The following CRTC2 variants were observed in gnomAD, a reference collection of about 807,000 sequenced individuals.
The protein encoded by CRTC2 is CREB regulated transcription coactivator 2.
CRTC2 carries 25 observed loss-of-function variants against 70.9 expected under a neutral mutation model. The observed-to-expected ratio is 0.35, with a 90% CI of 0.26 to 0.49. The LOEUF is 0.49. Among genes scored for constraint, CRTC2 ranks in the 20% least tolerant of loss-of-function variants. The pLI is 0.98. For synonymous variants in CRTC2, 330 were observed against 364.1 expected (o/e 0.91, Z 1.07); for missense variants, 737 against 882.6 (o/e 0.83, Z 2.09).
rs764380205 is a variant in CRTC2, at chr1:153,958,508, C to A, written c.-11G>T. 3 of 1,604,260 alleles carry A rather than the reference C, an allele frequency of 1.9e-6. No individual in the cohort carries two copies. The highest frequency in any genetic ancestry group is 3.3e-5 in the Admixed American group (2 of 59,762). On this transcript the variant is annotated 5_prime_UTR_variant, in exon 1 of 14. Transcript: ENST00000368633. ...CCCCGACGTCGCCATCTTCCTTCCC[C>A]GTCCCTCCCTGCCACCCTCCCAGTA...
chr1:153,951,764 C>T (rs1680335268), intron 10 of CRTC2, 98 bp from the exon 11 acceptor site: 8 of 1,340,444 alleles, frequency 6.0e-6, no homozygotes, highest in African/African-American at 1.5e-5. Flanking sequence ...ACTATGAAAG[C>T]GGCAACACAA....
chr1:153,954,530 TGGA>T (rs752652354), intron 3 of CRTC2, among the ~76,000 whole-genome samples: 51 of 152,238 alleles, frequency 3.4e-4, no homozygotes, highest in Middle Eastern at 6.8e-3. Flanking sequence ...AGGCAGGGCT[TGGA>T]GGAGACAGTT....
At chr1:153,951,141 G>A (rs180859105) in intron 11 of CRTC2, 119 bp downstream of exon 11, 1 of 1,098,362 alleles carries the variant, frequency 9.1e-7, no homozygotes, top group Admixed American at 2.1e-5. Context: ...GCGGAGGACA[G>A]AGGAATGGAA....
chr1:153,955,034 C>T (rs374870554), intron 2 of CRTC2, 31 bp downstream of exon 2: 2 of 1,613,104 alleles, frequency 1.2e-6, no homozygotes, highest in Middle Eastern at 1.6e-4. Flanking sequence ...GCCTAAGAAA[C>T]TCCACTCCTC....
At chr1:153,955,646 C>T (rs1297227977) in intron 1 of CRTC2, among the ~76,000 whole-genome samples, 2 of 147,812 alleles carry the variant, frequency 1.4e-5, no homozygotes, top group Admixed American at 1.4e-4. Context: ...TCACTCCACT[C>T]TAGCCGCCTG....
Position 153,953,269 on chromosome 1 carries a change from C to G in CRTC2, c.604G>C (p.Gly202Arg). 1.3e-6 allele frequency: 2 copies of G among 1,572,722 alleles called. No homozygotes were observed. ...TPPSILPSRR[G>R]GILDGEMDPK... ...ACCCTGGGACAGGGCCACTTACCCC[C>G]ACGTCGGCTGGGCAGGATGCTGGGA... Residue 202 changes from glycine (G) to arginine (R), a missense_variant, in exon 6 of 14, where the codon GGG becomes CGG. Transcript: ENST00000368633.
Position 153,948,058 on chromosome 1 carries a change from G to A in CRTC2, c.*51C>T. On this transcript the variant is annotated 3_prime_UTR_variant, in exon 14 of 14. Transcript: ENST00000368633. ...TACCTGCCAGGGGGAAGGGAGGAAAGGAATGGTGGTGGGGGATGGGGCCAA... is the reference window on the plus strand; with the variant it reads ...TACCTGCCAGGGGGAAGGGAGGAAAAGAATGGTGGTGGGGGATGGGGCCAA... 1 of 1,559,384 alleles carries A rather than the reference G, an allele frequency of 6.4e-7. No individual in the cohort carries two copies. Among genetic ancestry groups the A allele is most frequent in the Non-Finnish European group, 8.8e-7 (1 of 1,132,790 alleles).
At position 153,952,552 on chromosome 1, in the gene CRTC2, C is replaced by A. The variant is rs769868515; in HGVS notation, c.702+19G>T. 6.2e-7 allele frequency: 1 copy of A among 1,613,910 alleles called. No homozygotes were observed. Among genetic ancestry groups the A allele is most frequent in the Non-Finnish European group, 8.5e-7 (1 of 1,179,764 alleles). On this transcript the variant is annotated intron_variant, in intron 8 of 13. Transcript: ENST00000368633. The stretch of plus-strand genomic sequence containing the variant: ...ATAGCAGAGAGACTAGTGGGTGACA[C>A]CCGGTGGCCTCCTCCTACCTTCTTA...
intron 10 of CRTC2, 71 bp from the exon 11 acceptor site, chr1:153,951,737 T>A: frequency 1.3e-6 from 2 of 1,525,078 alleles, no homozygotes; most frequent in Non-Finnish European, 1.8e-6. Flanking sequence ...CCACCCAGAA[T>A]GGGTGGCAGT....
intron 10 of CRTC2, 145 bp from the exon 11 acceptor site, chr1:153,951,811 C>G (rs1022616723): frequency 7.6e-6 from 8 of 1,056,154 alleles, no homozygotes; most frequent in Non-Finnish European, 2.7e-6. Context: ...CACTGCCCAT[C>G]TGGGGACTGC....
chr1:153,948,262 C>T lies in CRTC2; in HGVS notation c.1929G>A (p.Val643=), dbSNP rs1473323608. 6.2e-7 allele frequency: 1 copy of T among 1,614,154 alleles called. No individual in the cohort carries two copies. The highest frequency in any genetic ancestry group is 1.7e-5 in the Admixed American group (1 of 60,014). The part of the protein sequence containing the change: ...AALAGVPGFE[V]SAAGLELGLG... ...GCCCTAGCTCCAATCCAGCTGCTGACACCTCAAAGCCAGGCACTCCGGCCA... is the reference window on the plus strand; with the variant it reads ...GCCCTAGCTCCAATCCAGCTGCTGATACCTCAAAGCCAGGCACTCCGGCCA... The change falls in exon 14 of 14, where the codon GTG becomes GTA. Residue 643 remains valine, a synonymous_variant. Coordinates refer to ENST00000368633, the MANE Select transcript of CRTC2 (RefSeq NM_181715.3).
At chr1:153,951,887 G>A (rs1680342362) in intron 10 of CRTC2, 131 bp downstream of exon 10, 1 of 1,309,172 alleles carries the variant, frequency 7.6e-7, no homozygotes, top group Non-Finnish European at 1.1e-6. Flanking sequence ...TGCCGTGAGG[G>A]AATCCTGGGG....
chr1:153,948,066 G>C lies in CRTC2; in HGVS notation c.*43C>G. 1 of 1,578,004 alleles carries C rather than the reference G, an allele frequency of 6.3e-7. No homozygotes were observed. The highest frequency in any genetic ancestry group is 8.7e-7 in the Non-Finnish European group (1 of 1,148,782). The stretch of plus-strand genomic sequence containing the variant: ...AGGGGGAAGGGAGGAAAGGAATGGT[G>C]GTGGGGGATGGGGCCAAGAAGAGGG... On this transcript the variant is annotated 3_prime_UTR_variant, in exon 14 of 14. Coordinates refer to ENST00000368633, the MANE Select transcript of CRTC2 (RefSeq NM_181715.3).
At chr1:153,949,549 A>G (rs1680213485) in intron 11 of CRTC2, among the ~76,000 whole-genome samples, 165 bp from the exon 12 acceptor site, 1 of 151,986 alleles carries the variant, frequency 6.6e-6, no homozygotes, top group Non-Finnish European at 1.5e-5. Flanking sequence ...ACTCAACCCC[A>G]GGGATGTGTA....
rs774234159 is a variant in CRTC2, at chr1:153,951,508, A to G, written c.1156T>C (p.Ser386Pro). The stretch of plus-strand genomic sequence containing the variant: ...GCACTGAGTGAGGGGTGGCCCAGGG[A>G]GGTGGTGGGCAGTACATGGCGGGCC... ...SLARHVLPTTSLGHPSLSAPA... is the reference protein window; with the variant it reads ...SLARHVLPTTPLGHPSLSAPA... Residue 386 changes from serine (S) to proline (P), a missense_variant, in exon 11 of 14, where the codon TCC (serine) becomes CCC (proline). Ser to Pro is a moderately conservative substitution (Grantham distance 74, BLOSUM62 -1). Around this residue, in one of 3 missense-constraint regions of CRTC2, gnomAD observed 699 missense variants for 823.7 expected, o/e 0.85. Transcript: ENST00000368633. 4 of 1,601,736 alleles carry G rather than the reference A, an allele frequency of 2.5e-6. No individual in the cohort carries two copies. Among genetic ancestry groups the G allele is most frequent in the Non-Finnish European group, 3.4e-6 (4 of 1,174,204 alleles).
intron 7 of CRTC2, 72 bp from the exon 8 acceptor site, chr1:153,952,707 G>C: frequency 6.2e-7 from 1 of 1,606,776 alleles, no homozygotes; most frequent in Admixed American, 1.7e-5. Context: ...AGCAGAAGCA[G>C]GTGGGAAGGA....
chr1:153,952,957 G>A lies in CRTC2; in HGVS notation c.608-123C>T, dbSNP rs538176707. 4.2e-5 allele frequency: 51 copies of A among 1,217,900 alleles called. No individual in the cohort carries two copies. In the African/African-American group the frequency reaches 4.9e-4, roughly 12 times the overall value. 75.4% of individuals were successfully genotyped at this position (1,217,900 alleles called of 1,614,324 possible). On this transcript the variant is annotated intron_variant, in intron 6 of 13. Coordinates refer to ENST00000368633, the MANE Select transcript of CRTC2 (RefSeq NM_181715.3). ...CCAGCACTTTGGGAGGCCGAGGCAG[G>A]TGGATCACGAGGTCAGGAGTTCAAG...
At chr1:153,948,788 G>A in intron 12 of CRTC2, 144 bp from the exon 13 acceptor site, 1 of 940,900 alleles carries the variant, frequency 1.1e-6, no homozygotes, top group Non-Finnish European at 1.7e-6. Context: ...AGCAAGCAGA[G>A]CGACAGAAGC....
chr1:153,957,986 C>T (rs915881290), intron 1 of CRTC2: 38 of 1,094,930 alleles, frequency 3.5e-5, no homozygotes, highest in Non-Finnish European at 4.1e-5. Context: ...TCCTCCCAGG[C>T]CATACCCCAA....
Sources: gnomAD v4.1 joint callset for allele counts (sites outside exome capture counted in the v4.1 genomes callset) on GRCh38, gnomAD v4.1.1 for gene constraint, gnomAD v4.1.1 regional missense constraint, MANE v1.5 for transcripts, NCBI Gene and HGNC (gene_info 2026-07-23, HGNC 2026-07-21) for gene names.